Variants in PTPRD observed in about 807,000 individuals in gnomAD.
PTPRD encodes receptor-type tyrosine-protein phosphatase delta.
Under a neutral mutation model 214.5 loss-of-function variants are expected in PTPRD, and 34 were observed. That is an observed-to-expected ratio of 0.16 (90% confidence interval 0.12 to 0.21). The LOEUF is 0.21. Among genes scored for constraint, PTPRD ranks in the 10% least tolerant of loss-of-function variants. PTPRD has a pLI of 1.00. For missense variants in PTPRD, 2,545 were observed against 2,398.7 expected (o/e 1.06, Z -1.27); for synonymous variants, 1,128 against 845.7 (o/e 1.33, Z -5.79).
chr9:9,827,069 C>A (rs971089298), intron 5 of PTPRD, among the ~76,000 whole-genome samples: 8 of 152,178 alleles, frequency 5.3e-5, no homozygotes, highest in Non-Finnish European at 1.0e-4. Context: ...GTGAAAATGG[C>A]CATACTGCCC....
chr9:8,382,095 C>G (rs1325602601), intron 37 of PTPRD, among the ~76,000 whole-genome samples: 1 of 152,170 alleles, frequency 6.6e-6, no homozygotes, highest in Admixed American at 6.5e-5. Context: ...TCCAGTGTCA[C>G]CTCTTCCAAA....
intron 39 of PTPRD, among the ~76,000 whole-genome samples, chr9:8,353,838 A>ATGTATATATGTATATATG (rs2076198212): frequency 4.3e-5 from 2 of 46,660 alleles, no homozygotes; most frequent in African/African-American, 1.2e-4. Context: ...ATATGTATAT[A>ATGTATATATGTATATATG]TGTATATATG....
intron 3 of PTPRD, among the ~76,000 whole-genome samples, chr9:10,206,402 A>G (rs1316990611): frequency 1.3e-5 from 2 of 152,176 alleles, no homozygotes; most frequent in Non-Finnish European, 2.9e-5. Flanking sequence ...CTCCCTCCCA[A>G]TAGACATACA....
intron 10 of PTPRD, among the ~76,000 whole-genome samples, chr9:9,038,649 G>T (rs955713259): frequency 2.0e-5 from 3 of 150,750 alleles, no homozygotes; most frequent in Non-Finnish European, 4.4e-5. Flanking sequence ...TCCGCCTCTG[G>T]GTTCAAGTGC....
At chr9:10,076,201 G>A (rs761604516) in intron 3 of PTPRD, among the ~76,000 whole-genome samples, 2 of 151,988 alleles carry the variant, frequency 1.3e-5, no homozygotes, top group Non-Finnish European at 2.9e-5. Context: ...ACTGCCTGCC[G>A]CCTCTATCTC....
At chr9:8,361,199 G>C (rs2133893021) in intron 39 of PTPRD, among the ~76,000 whole-genome samples, 1 of 152,248 alleles carries the variant, frequency 6.6e-6, no homozygotes, top group Non-Finnish European at 1.5e-5. Context: ...TGAAGTAGCA[G>C]AACATTTTAA....
chr9:9,182,917 C>T (rs1170345427), intron 10 of PTPRD, among the ~76,000 whole-genome samples: 1 of 151,738 alleles, frequency 6.6e-6, no homozygotes, highest in Non-Finnish European at 1.5e-5. Context: ...TAGGCGAGAC[C>T]ACCACCGAGG....
chr9:10,020,136 C>T (rs1395801466), intron 4 of PTPRD, among the ~76,000 whole-genome samples: 1 of 152,062 alleles, frequency 6.6e-6, no homozygotes, highest in East Asian at 1.9e-4. Context: ...AATAAGAATA[C>T]TATCTTCTAT....
At chr9:8,374,394 C>T (rs2082599507) in intron 39 of PTPRD, among the ~76,000 whole-genome samples, 2 of 151,886 alleles carry the variant, frequency 1.3e-5, no homozygotes, top group African/African-American at 4.8e-5. Flanking sequence ...TGAATTAAAA[C>T]CAAAAGGCAG....
At chr9:8,800,701 T>C (rs2096553850) in intron 11 of PTPRD, among the ~76,000 whole-genome samples, 1 of 152,214 alleles carries the variant, frequency 6.6e-6, no homozygotes, top group South Asian at 2.1e-4. Context: ...GCTCTGTCTA[T>C]GGAGTAGCCA....
Position 8,497,242 on chromosome 9 carries a change from A to G in PTPRD, c.2349T>C (p.His783=), listed in dbSNP as rs2097296871. 6.3e-7 allele frequency: 1 copy of G among 1,593,804 alleles called. No homozygotes were observed. The highest frequency in any genetic ancestry group is 1.2e-5 in the South Asian group (1 of 85,976). ...AQWEFDDTTE[H]DMIISGLQPE... ...GACAAAACAGTCAAAAATTACTCAC[A>G]TGTTCAGTAGTATCATCAAATTCCC... Residue 783 remains histidine (H), a splice_region_variant and synonymous_variant, in exon 26 of 46, where the codon CAT becomes CAC. Coordinates refer to ENST00000381196, the MANE Select transcript of PTPRD (RefSeq NM_002839.4).
intron 9 of PTPRD, among the ~76,000 whole-genome samples, chr9:9,374,231 G>T (rs1457744501): frequency 6.6e-6 from 1 of 151,832 alleles, no homozygotes; most frequent in Non-Finnish European, 1.5e-5. Context: ...AGCTGCCAAG[G>T]GGGACAGGAA....
At chr9:9,628,037 T>C (rs1259120039) in intron 7 of PTPRD, among the ~76,000 whole-genome samples, 1 of 152,216 alleles carries the variant, frequency 6.6e-6, no homozygotes, top group African/African-American at 2.4e-5. Flanking sequence ...AATATTTGTA[T>C]ATTTGCATTT....
intron 3 of PTPRD, among the ~76,000 whole-genome samples, chr9:10,176,231 G>T (rs1057441636): frequency 2.0e-5 from 3 of 151,484 alleles, no homozygotes; most frequent in Non-Finnish European, 4.4e-5. Flanking sequence ...ATTTGTACAA[G>T]TAACTATTTT....
At chr9:10,018,601 G>A (rs185053648) in intron 4 of PTPRD, among the ~76,000 whole-genome samples, 3,722 of 118,874 alleles carry the variant, frequency 0.031, 100 homozygotes, top group Admixed American at 0.12. Context: ...AGGCTGGAGT[G>A]CAGTGGCGGG....
At chr9:9,357,296 C>T (rs1328179870) in intron 9 of PTPRD, among the ~76,000 whole-genome samples, 1 of 151,292 alleles carries the variant, frequency 6.6e-6, no homozygotes, top group Non-Finnish European at 1.5e-5. Flanking sequence ...TATTCTTCTT[C>T]TGTTGAAATG....
At position 8,896,952 on chromosome 9, in the gene PTPRD, T is replaced by C. The variant is rs563017163; in HGVS notation, c.-104+121745A>G. 2.0e-5 allele frequency among the ~76,000 whole-genome samples: 3 copies of C among 152,296 alleles called. No individual in the cohort carries two copies. The East Asian group carries it at 5.8e-4, about 29-fold the overall frequency. ...GAGAACTGTAGATTAGTTCTAATTT[T>C]ATATAGGTAACTGAAGTGAATAAAT... On this transcript the variant is annotated intron_variant, in intron 11 of 45. Coordinates refer to ENST00000381196, the MANE Select transcript of PTPRD (RefSeq NM_002839.4).
chr9:8,923,759 C>CA (rs2098844460), intron 11 of PTPRD, among the ~76,000 whole-genome samples: 1 of 152,104 alleles, frequency 6.6e-6, no homozygotes, highest in African/African-American at 2.4e-5. Flanking sequence ...TGCTACCTAC[C>CA]AAACGGCAAT....
intron 3 of PTPRD, among the ~76,000 whole-genome samples, chr9:10,210,954 C>A (rs1406961041): frequency 6.6e-6 from 1 of 150,532 alleles, no homozygotes; most frequent in Non-Finnish European, 1.5e-5. Flanking sequence ...CACCTATACA[C>A]AATGGCAAAC....
Sources: allele counts gnomAD v4.1 joint callset (sites outside exome capture counted in the v4.1 genomes callset), GRCh38; gene constraint gnomAD v4.1.1; transcripts MANE v1.5; gene names NCBI Gene and HGNC (gene_info 2026-07-23, HGNC 2026-07-21).